PTPRD: variants seen among roughly 807,000 people sequenced by gnomAD.
PTPRD encodes the protein protein tyrosine phosphatase receptor type D, also known as receptor-type tyrosine-protein phosphatase delta.
Under a neutral mutation model 214.5 loss-of-function variants are expected in PTPRD, and 34 were observed. The ratio of observed to expected loss-of-function variants is 0.16; its 90% confidence interval spans 0.12 to 0.21. PTPRD has a LOEUF of 0.21. Ranked by LOEUF, PTPRD falls within the 10% of genes least tolerant of loss-of-function variation. PTPRD has a pLI of 1.00. For synonymous variants in PTPRD, 1,128 were observed against 845.7 expected (o/e 1.33, Z -5.79); for missense variants, 2,545 against 2,398.7 (o/e 1.06, Z -1.27).
At chr9:10,200,640 A>G (rs2099416014) in intron 3 of PTPRD, among the ~76,000 whole-genome samples, 1 of 152,100 alleles carries the variant, frequency 6.6e-6, no homozygotes, top group Non-Finnish European at 1.5e-5. Flanking sequence ...AATAAACAGA[A>G]TCACAAAGAC....
At chr9:10,091,367 C>T (rs2098427707) in intron 3 of PTPRD, among the ~76,000 whole-genome samples, 1 of 151,360 alleles carries the variant, frequency 6.6e-6, no homozygotes. Context: ...TAAAATACAT[C>T]CCTCTACTGA....
chr9:9,781,663 T>A (rs1565213640), intron 5 of PTPRD, among the ~76,000 whole-genome samples: 1 of 152,148 alleles, frequency 6.6e-6, no homozygotes, highest in African/African-American at 2.4e-5. Flanking sequence ...CTTTTGGAGT[T>A]TAGCCTTAAT....
intron 2 of PTPRD, among the ~76,000 whole-genome samples, chr9:10,582,455 T>C (rs1228027148): frequency 1.3e-5 from 2 of 152,176 alleles, no homozygotes; most frequent in Non-Finnish European, 2.9e-5. Context: ...TACTCAGCTG[T>C]ATATTTTGTT....
intron 5 of PTPRD, among the ~76,000 whole-genome samples, chr9:9,781,277 G>C (rs896512046): frequency 2.0e-5 from 3 of 152,236 alleles, no homozygotes; most frequent in East Asian, 3.9e-4. Context: ...AGTGGGAAGA[G>C]GGAATTCCTT....
intron 2 of PTPRD, among the ~76,000 whole-genome samples, chr9:10,513,619 G>A (rs2049017733): frequency 1.3e-5 from 2 of 152,084 alleles, no homozygotes; most frequent in South Asian, 4.1e-4. Context: ...TTGAAGTTGG[G>A]CATGTCCAAG....
At chr9:8,485,361 C>A (rs1386798266) in intron 28 of PTPRD, 37 bp from the exon 29 acceptor site, 1 of 1,456,622 alleles carries the variant, frequency 6.9e-7, no homozygotes, top group Non-Finnish European at 9.6e-7. Flanking sequence ...TTAAACTATT[C>A]TTAAAACAGA....
chr9:8,790,518 A>G (rs1193369314), intron 11 of PTPRD, among the ~76,000 whole-genome samples: 1 of 151,942 alleles, frequency 6.6e-6, no homozygotes, highest in African/African-American at 2.4e-5. Context: ...CCCAGGTTCA[A>G]GCAATTCTCC....
intron 12 of PTPRD, among the ~76,000 whole-genome samples, chr9:8,693,895 A>G (rs1435643424): frequency 6.6e-6 from 1 of 152,250 alleles, no homozygotes; most frequent in Non-Finnish European, 1.5e-5. Flanking sequence ...AGACTTGTTA[A>G]TAGCCCTCAG....
At chr9:10,408,013 T>C (rs979552214) in intron 2 of PTPRD, among the ~76,000 whole-genome samples, 1 of 151,622 alleles carries the variant, frequency 6.6e-6, no homozygotes, top group Non-Finnish European at 1.5e-5. Context: ...TACATGTGTA[T>C]ACATATCACA....
intron 3 of PTPRD, among the ~76,000 whole-genome samples, chr9:10,328,642 A>C (rs2096691345): frequency 6.6e-6 from 1 of 151,920 alleles, no homozygotes; most frequent in East Asian, 2.0e-4. Context: ...AATGTTATGC[A>C]CCAAGAGAAA....
chr9:10,347,758 A>G (rs1159298021), intron 2 of PTPRD, among the ~76,000 whole-genome samples: 1 of 151,528 alleles, frequency 6.6e-6, no homozygotes, highest in East Asian at 2.0e-4. Context: ...TTTGCTAGCT[A>G]TTTTGAAATG....
At chr9:10,111,449 G>A (rs1194221230) in intron 3 of PTPRD, among the ~76,000 whole-genome samples, 3 of 151,148 alleles carry the variant, frequency 2.0e-5, no homozygotes, top group South Asian at 2.1e-4. Flanking sequence ...CGTTTTAGCC[G>A]GGATGGTCTC....
intron 3 of PTPRD, among the ~76,000 whole-genome samples, chr9:10,237,178 G>C (rs2099631746): frequency 6.6e-6 from 1 of 151,746 alleles, no homozygotes; most frequent in Non-Finnish European, 1.5e-5. Flanking sequence ...GCATGGGTTG[G>C]TGTAGGAAGT....
intron 3 of PTPRD, among the ~76,000 whole-genome samples, chr9:10,066,850 T>C (rs939127693): frequency 6.6e-6 from 1 of 151,972 alleles, no homozygotes; most frequent in Non-Finnish European, 1.5e-5. Context: ...TCTCACAATA[T>C]TTGTACTGTC....
intron 2 of PTPRD, among the ~76,000 whole-genome samples, chr9:10,518,814 G>C (rs889559583): frequency 1.3e-5 from 2 of 151,490 alleles, no homozygotes; most frequent in South Asian, 2.1e-4. Context: ...TTACAGGCGT[G>C]AGCCACCGCG....
chr9:9,068,647 T>TC (rs111988276), intron 10 of PTPRD, among the ~76,000 whole-genome samples: 17,520 of 152,116 alleles, frequency 0.12, 1,180 homozygotes, highest in East Asian at 0.29. Flanking sequence ...GGAGTCTCAC[T>TC]TGTCCCCAGG....
At chr9:9,657,612 A>G (rs1028995177) in intron 7 of PTPRD, among the ~76,000 whole-genome samples, 6 of 152,360 alleles carry the variant, frequency 3.9e-5, no homozygotes, top group Admixed American at 6.5e-5. Context: ...ATAGTGAAAA[A>G]TAAATAAGTA....
chr9:9,644,169 G>C (rs140654567), intron 7 of PTPRD, among the ~76,000 whole-genome samples: 22 of 152,198 alleles, frequency 1.4e-4, no homozygotes, highest in African/African-American at 5.3e-4. Flanking sequence ...ATTTCTTTGT[G>C]ACAGTAGCAG....
intron 10 of PTPRD, among the ~76,000 whole-genome samples, chr9:9,162,609 A>G (rs1241010845): frequency 4.6e-5 from 7 of 152,014 alleles, no homozygotes; most frequent in African/African-American, 1.7e-4. Context: ...ACCTGCTTGC[A>G]TCTCCATTTT....
Sources: allele counts gnomAD v4.1 joint callset (sites outside exome capture counted in the v4.1 genomes callset), GRCh38; gene constraint gnomAD v4.1.1; transcripts MANE v1.5; gene names NCBI Gene and HGNC (gene_info 2026-07-23, HGNC 2026-07-21).